Variants in TMEM163 observed in about 807,000 individuals in gnomAD.
TMEM163 encodes transmembrane protein 163.
A neutral mutation model predicts 29.3 loss-of-function variants in TMEM163; 17 were observed. The ratio of observed to expected loss-of-function variants is 0.58; its 90% CI spans 0.40 to 0.87. The LOEUF (loss-of-function observed/expected upper bound fraction) is 0.87, where lower values mean the gene tolerates loss of function less well. Among genes scored for constraint, TMEM163 ranks in the 40% least tolerant of loss-of-function variants. TMEM163 has a pLI of 0.00. For missense variants in TMEM163, 303 were observed against 381.5 expected (o/e 0.79, Z 1.71); for synonymous variants, 157 against 160.6 (o/e 0.98, Z 0.17).
intron 2 of TMEM163, among the ~76,000 whole-genome samples, chr2:134,562,988 C>G (rs2104778819): frequency 6.6e-6 from 1 of 152,322 alleles, no homozygotes; most frequent in South Asian, 2.1e-4. Flanking sequence ...TTAGACTTTT[C>G]CACAATTAGA....
intron 2 of TMEM163, among the ~76,000 whole-genome samples, chr2:134,584,753 C>G (rs971399421): frequency 3.3e-5 from 5 of 151,974 alleles, no homozygotes; most frequent in Admixed American, 3.3e-4. Context: ...CGGATTCAGA[C>G]ACAAATGTTC....
intron 2 of TMEM163, among the ~76,000 whole-genome samples, chr2:134,580,509 A>C (rs1458754057): frequency 6.6e-6 from 1 of 152,226 alleles, no homozygotes; most frequent in African/African-American, 2.4e-5. Context: ...ATACTATAGT[A>C]AGTGTATACG....
chr2:134,578,911 A>G (rs193072184), intron 2 of TMEM163, among the ~76,000 whole-genome samples: 1 of 152,266 alleles, frequency 6.6e-6, no homozygotes, highest in African/African-American at 2.4e-5. Context: ...CCTCCACCCC[A>G]AATTCCCTAC....
At chr2:134,699,020 T>A (rs2104889734) in intron 2 of TMEM163, among the ~76,000 whole-genome samples, 1 of 152,316 alleles carries the variant, frequency 6.6e-6, no homozygotes, top group East Asian at 1.9e-4. Flanking sequence ...ATGAATTTGG[T>A]AGGATGTGAC....
At chr2:134,498,345 G>C (rs903728478) in intron 5 of TMEM163, among the ~76,000 whole-genome samples, 2 of 146,444 alleles carry the variant, frequency 1.4e-5, no homozygotes, top group Non-Finnish European at 3.0e-5. Context: ...TGGTGCACTT[G>C]CATGTGGGCT....
intron 2 of TMEM163, among the ~76,000 whole-genome samples, chr2:134,680,609 T>C (rs937395466): frequency 5.3e-5 from 8 of 152,226 alleles, no homozygotes; most frequent in Middle Eastern, 3.2e-3. Flanking sequence ...ACCACATTAA[T>C]GCGCAAGGTT....
intron 4 of TMEM163, among the ~76,000 whole-genome samples, chr2:134,523,780 T>G (rs896064650): frequency 6.6e-6 from 1 of 152,126 alleles, no homozygotes; most frequent in Admixed American, 6.5e-5. Flanking sequence ...CCTTAGTAAG[T>G]AACACTACTC....
At chr2:134,569,229 T>A (rs1681367784) in intron 2 of TMEM163, among the ~76,000 whole-genome samples, 1 of 152,286 alleles carries the variant, frequency 6.6e-6, no homozygotes, top group Non-Finnish European at 1.5e-5. Context: ...TTCTACTCAG[T>A]GCTAATAAAT....
In TMEM163 at chr2:134,688,299, C is replaced by T. The variant is rs12476814; in HGVS notation, c.322+24901G>A. Among the ~76,000 whole-genome samples the T allele has an allele frequency of 2.6e-3, 393 of 152,190 alleles. 11 individuals are homozygous for T. Among genetic ancestry groups the T allele is most frequent in the Admixed American group, 0.019 (290 of 15,302 alleles). The stretch of plus-strand genomic sequence containing the variant: ...AGCCCTGCTTCCCCTCCCACCAAGA[C>T]ACAAATGGTGGGTGTCTCCAAACTC... On this transcript the variant is annotated intron_variant, in intron 2 of 7. Transcript: ENST00000281924.
intron 4 of TMEM163, among the ~76,000 whole-genome samples, chr2:134,533,079 A>C (rs979325681): frequency 9.9e-5 from 15 of 152,032 alleles, no homozygotes; most frequent in South Asian, 2.1e-4. Context: ...CAGGGCCTAA[A>C]GAAATAAACA....
chr2:134,621,300 T>C (rs1346470385), intron 2 of TMEM163, among the ~76,000 whole-genome samples: 1 of 152,222 alleles, frequency 6.6e-6, no homozygotes, highest in Non-Finnish European at 1.5e-5. Context: ...TTAGCATGGC[T>C]ATAATCAAAA....
chr2:134,667,132 C>A (rs1012125999), intron 2 of TMEM163, among the ~76,000 whole-genome samples: 1 of 152,200 alleles, frequency 6.6e-6, no homozygotes, highest in African/African-American at 2.4e-5. Flanking sequence ...CGAAATCAAA[C>A]GTGCACCCAG....
intron 2 of TMEM163, among the ~76,000 whole-genome samples, chr2:134,661,142 C>T (rs1421688913): frequency 4.9e-5 from 7 of 143,630 alleles, no homozygotes; most frequent in African/African-American, 1.9e-4. Context: ...CACATACAAA[C>T]ACACACACAG....
chr2:134,592,995 C>G (rs1370352277), intron 2 of TMEM163, among the ~76,000 whole-genome samples: 1 of 152,164 alleles, frequency 6.6e-6, no homozygotes, highest in East Asian at 1.9e-4. Flanking sequence ...GTTTCCTAAG[C>G]AGCCTCAGGC....
At chr2:134,604,710 T>C (rs1444147948) in intron 2 of TMEM163, among the ~76,000 whole-genome samples, 1 of 152,040 alleles carries the variant, frequency 6.6e-6, no homozygotes, top group African/African-American at 2.4e-5. Flanking sequence ...CACACATCAA[T>C]AAGAAAGCAA....
chr2:134,657,130 C>T (rs528173649), intron 2 of TMEM163, among the ~76,000 whole-genome samples: 1 of 152,304 alleles, frequency 6.6e-6, no homozygotes, highest in African/African-American at 2.4e-5. Context: ...GAAGTCCTTC[C>T]TCCTCAATTT....
intron 2 of TMEM163, among the ~76,000 whole-genome samples, chr2:134,676,146 G>A (rs1352070407): frequency 6.6e-6 from 1 of 152,180 alleles, no homozygotes; most frequent in Non-Finnish European, 1.5e-5. Context: ...CCGACTTGCA[G>A]CATTTGCCAA....
At chr2:134,519,394 G>A (rs1680143690) in intron 4 of TMEM163, among the ~76,000 whole-genome samples, 1 of 152,150 alleles carries the variant, frequency 6.6e-6, no homozygotes. Flanking sequence ...GACAAAGGTG[G>A]CATCAGGGAT....
intron 5 of TMEM163, among the ~76,000 whole-genome samples, chr2:134,490,459 G>A (rs567741601): frequency 7.9e-5 from 12 of 152,200 alleles, no homozygotes; most frequent in Admixed American, 3.9e-4. Flanking sequence ...AGTCAGCCTG[G>A]CTTCCATGTT....
Sources: allele counts gnomAD v4.1 joint callset (sites outside exome capture counted in the v4.1 genomes callset), GRCh38; gene constraint gnomAD v4.1.1; transcripts MANE v1.5; gene names NCBI Gene and HGNC (gene_info 2026-07-23, HGNC 2026-07-21).